The following CSMD1 variants were observed in gnomAD, a reference collection of about 807,000 sequenced individuals.
CSMD1 encodes the protein CUB and sushi domain-containing protein 1.
A neutral mutation model predicts 417.5 loss-of-function variants in CSMD1; 213 were observed. That is an observed-to-expected ratio of 0.51 (90% CI 0.46 to 0.57). The LOEUF (loss-of-function observed/expected upper bound fraction) is 0.57. Ranked by LOEUF, CSMD1 falls within the 20% of genes least tolerant of loss-of-function variation. The pLI, the probability that CSMD1 is intolerant of heterozygous loss-of-function variation, is 0.00. For missense variants in CSMD1, 6,923 were observed against 4,529.7 expected, an observed-to-expected ratio of 1.53 and a Z score of -15.17; for synonymous variants, 2,862 against 1,736.8, an observed-to-expected ratio of 1.65 and a Z score of -16.11.
chr8:3,307,941 C>T lies in CSMD1; in HGVS notation c.3824-120G>A, dbSNP rs146889417. On this transcript the variant is annotated intron_variant, in intron 24 of 69. Transcript: ENST00000635120. ...TATATACATAGAGAAAAAGAATCAC[C>T]ATCATCTCTCTCTCCTGACCGTTTC... 8.5e-3 allele frequency: 9,290 copies of T among 1,095,248 alleles called. 65 individuals are homozygous for T. The highest frequency in any genetic ancestry group is 9.2e-3 in the Non-Finnish European group (7,202 of 781,194). The allele number at this position is 1,095,248 out of a possible 1,614,324, so 67.8% of individuals were successfully genotyped here. A position where few individuals can be genotyped will look rare whatever the true frequency, so the allele number is the denominator to read the frequency against.
At chr8:3,874,890 G>C (rs1215851206) in intron 5 of CSMD1, among the ~76,000 whole-genome samples, 1 of 152,142 alleles carries the variant, frequency 6.6e-6, no homozygotes, top group Non-Finnish European at 1.5e-5. Flanking sequence ...CCACTGCGAT[G>C]CTGCGCACCA....
intron 3 of CSMD1, among the ~76,000 whole-genome samples, chr8:4,315,065 C>T (rs947125177): frequency 1.3e-5 from 2 of 152,138 alleles, no homozygotes. Flanking sequence ...ACTGCCCCGA[C>T]CATTTGAATG....
At chr8:4,029,416 C>A (rs926052457) in intron 4 of CSMD1, among the ~76,000 whole-genome samples, 2 of 152,096 alleles carry the variant, frequency 1.3e-5, no homozygotes, top group Non-Finnish European at 2.9e-5. Flanking sequence ...GCAAGGAGGA[C>A]CTAGCCACGT....
At chr8:3,469,378 A>G (rs1435682923) in intron 11 of CSMD1, among the ~76,000 whole-genome samples, 1 of 152,222 alleles carries the variant, frequency 6.6e-6, no homozygotes, top group Non-Finnish European at 1.5e-5. Flanking sequence ...AGAATTTTGA[A>G]AAGAACAACA....
chr8:3,996,849 G>A (rs943476318), intron 5 of CSMD1, among the ~76,000 whole-genome samples: 4 of 152,144 alleles, frequency 2.6e-5, no homozygotes, highest in South Asian at 2.1e-4. Context: ...TTGTGATTTG[G>A]AAAACAAAGT....
At chr8:4,978,293 C>A (rs1051594608) in intron 1 of CSMD1, among the ~76,000 whole-genome samples, 1 of 152,092 alleles carries the variant, frequency 6.6e-6, no homozygotes, top group African/African-American at 2.4e-5. Flanking sequence ...GCTTTTTCAA[C>A]TCAAGGGTCC....
At chr8:4,601,712 G>A (rs948626151) in intron 2 of CSMD1, among the ~76,000 whole-genome samples, 3 of 152,106 alleles carry the variant, frequency 2.0e-5, no homozygotes, top group South Asian at 2.1e-4. Context: ...CTCCACTCAC[G>A]GCATTATGAC....
chr8:3,931,251 C>T (rs1214725393), intron 5 of CSMD1, among the ~76,000 whole-genome samples: 1 of 150,416 alleles, frequency 6.6e-6, no homozygotes, highest in Non-Finnish European at 1.5e-5. Context: ...GTTAGTTTCT[C>T]AGAACGCTCT....
At chr8:4,597,898 G>A (rs957886916) in intron 2 of CSMD1, among the ~76,000 whole-genome samples, 1 of 152,046 alleles carries the variant, frequency 6.6e-6, no homozygotes, top group African/African-American at 2.4e-5. Context: ...AAGATTTGGA[G>A]AATATGGTGG....
At chr8:4,556,517 A>C (rs1354454985) in intron 2 of CSMD1, among the ~76,000 whole-genome samples, 3 of 152,136 alleles carry the variant, frequency 2.0e-5, no homozygotes, top group Non-Finnish European at 4.4e-5. Context: ...TAATCGAATT[A>C]TCTCTCAACC....
At chr8:3,719,711 T>C (rs1453072538) in intron 6 of CSMD1, among the ~76,000 whole-genome samples, 1 of 152,166 alleles carries the variant, frequency 6.6e-6, no homozygotes, top group Non-Finnish European at 1.5e-5. Flanking sequence ...GTAGCCCCCA[T>C]ACCAGCCACA....
Position 3,179,162 on chromosome 8 carries a change from G to GC in CSMD1, c.5725+1947_5725+1948insG, listed in dbSNP as rs754186841. On this transcript the variant is annotated intron_variant, in intron 37 of 69. Transcript: ENST00000635120. ...GGGTTTCAACGTGTTAGCCAGGACT[G>GC]TCTCGATCTCCTGACCTCGTGATCT... Among the ~76,000 whole-genome samples the GC allele has an allele frequency of 2.6e-4, 39 of 151,440 alleles. 1 individual carries two copies. Among genetic ancestry groups the GC allele is most frequent in the African/African-American group, 7.3e-4 (30 of 41,110 alleles).
intron 3 of CSMD1, among the ~76,000 whole-genome samples, chr8:4,414,649 A>T (rs1187317484): frequency 6.6e-6 from 1 of 152,158 alleles, no homozygotes; most frequent in East Asian, 1.9e-4. Flanking sequence ...AAGAAAATCA[A>T]ATTCAAATTT....
At chr8:3,666,729 C>A (rs1563251026) in intron 7 of CSMD1, among the ~76,000 whole-genome samples, 1 of 152,196 alleles carries the variant, frequency 6.6e-6, no homozygotes, top group Non-Finnish European at 1.5e-5. Context: ...ACCCCTTTGG[C>A]TTGGCTCTCA....
At chr8:2,983,251 A>G (rs939933543) in intron 54 of CSMD1, among the ~76,000 whole-genome samples, 3 of 152,074 alleles carry the variant, frequency 2.0e-5, no homozygotes, top group East Asian at 1.9e-4. Context: ...CAGTGGCACA[A>G]TCTCGGCTCA....
At chr8:3,222,132 C>T (rs1043147321) in intron 28 of CSMD1, among the ~76,000 whole-genome samples, 33 of 152,106 alleles carry the variant, frequency 2.2e-4, no homozygotes, top group African/African-American at 7.2e-4. Flanking sequence ...GACATTGGGT[C>T]GGCTAATAAG....
intron 50 of CSMD1, among the ~76,000 whole-genome samples, chr8:3,045,380 T>G (rs541219224): frequency 6.6e-6 from 1 of 151,462 alleles, no homozygotes; most frequent in Non-Finnish European, 1.5e-5. Flanking sequence ...CATCTAGATA[T>G]GTATTTTAAA....
At position 3,142,590 on chromosome 8, in the gene CSMD1, G is replaced by A. The variant is rs1343347549; in HGVS notation, c.6116C>T (p.Pro2039Leu). The A allele has an allele frequency of 1.2e-6, 2 of 1,613,818 alleles. No homozygotes were observed. The highest frequency in any genetic ancestry group is 1.7e-6 in the Non-Finnish European group (2 of 1,179,878). ...CGTGCCGCTAAATTGTCCAATCATG[G>A]GGCTGGTGTGGTAAGGTCCATTTTG... is the stretch of plus-strand genomic sequence containing the variant. ...EIQNGPYHTS[P>L]MIGQFSGTDL... Residue 2039 changes from proline (P) to leucine (L), a missense_variant, in exon 41 of 70, where the codon CCC (proline) becomes CTC (leucine). Coordinates refer to ENST00000635120, the MANE Select transcript of CSMD1 (RefSeq NM_033225.6).
intron 5 of CSMD1, among the ~76,000 whole-genome samples, chr8:3,759,106 C>T (rs1213263558): frequency 1.3e-5 from 2 of 152,190 alleles, no homozygotes; most frequent in African/African-American, 2.4e-5. Flanking sequence ...AATCTATTTA[C>T]TGAACATAAT....
Sources: allele counts gnomAD v4.1 joint callset (sites outside exome capture counted in the v4.1 genomes callset), GRCh38; gene constraint gnomAD v4.1.1; transcripts MANE v1.5; gene names NCBI Gene and HGNC (gene_info 2026-07-23, HGNC 2026-07-21).